COPS4: variants seen among roughly 807,000 people sequenced by gnomAD.
COPS4 encodes the protein COP9 signalosome subunit 4.
In COPS4, 8 loss-of-function variants were observed where a neutral mutation model predicts 55.1. The observed-to-expected ratio is 0.15, with a 90% CI of 0.09 to 0.26. The LOEUF (loss-of-function observed/expected upper bound fraction) is 0.26. COPS4 is among the 10% of genes least tolerant of loss of function. The probability of loss-of-function intolerance (pLI) is 1.00; values close to 1 mark genes in which losing one functional copy is unlikely to be tolerated. For missense variants in COPS4, 248 were observed against 484.0 expected (o/e 0.51, Z 4.58); for synonymous variants, 185 against 165.7 (o/e 1.12, Z -0.90).
chr4:83,072,793 C>T (rs555734233), intron 9 of COPS4, among the ~76,000 whole-genome samples: 1 of 152,220 alleles, frequency 6.6e-6, no homozygotes, highest in South Asian at 2.1e-4. Flanking sequence ...TTCCACTGAT[C>T]TGCAATAATA....
chr4:83,042,450 A>G (rs1339867272), intron 1 of COPS4, among the ~76,000 whole-genome samples: 1 of 151,784 alleles, frequency 6.6e-6, no homozygotes, highest in Admixed American at 6.6e-5. Context: ...TAGAATTTAC[A>G]TATTAGAGAA....
intron 7 of COPS4, chr4:83,065,060 A>C: frequency 1.4e-6 from 1 of 690,734 alleles, no homozygotes; most frequent in Non-Finnish European, 2.6e-6. Context: ...TTTTTTGTAG[A>C]GACAGGATCT....
chr4:83,047,527 C>T (rs1307184079), intron 2 of COPS4, among the ~76,000 whole-genome samples: 3 of 152,010 alleles, frequency 2.0e-5, no homozygotes, highest in Non-Finnish European at 2.9e-5. Flanking sequence ...GCGCTCCAGC[C>T]TGGGCAGCAG....
intron 4 of COPS4, among the ~76,000 whole-genome samples, chr4:83,052,890 C>T (rs1730920694): frequency 1.3e-5 from 2 of 152,104 alleles, no homozygotes; most frequent in Admixed American, 1.3e-4. Flanking sequence ...CCCAGCCTTG[C>T]TTCAATATTC....
chr4:83,075,507 G>T lies in COPS4; in HGVS notation c.*77G>T. The T allele has an allele frequency of 6.5e-7, 1 of 1,527,854 alleles. No homozygotes were observed. The allele number at this position is 1,527,854 out of a possible 1,614,324, so 94.6% of individuals were successfully genotyped here. On this transcript the variant is annotated 3_prime_UTR_variant, in exon 10 of 10. Transcript: ENST00000264389. ...CAGTTTCACTATCTCCAAAGCATTT[G>T]CATCATGACCTTATACATTTCAATC...
At position 83,045,699 on chromosome 4, in the gene COPS4, G is replaced by A; in HGVS notation, c.148G>A (p.Glu50Lys). The change falls in exon 2 of 10, where the codon GAA becomes AAA. Residue 50 changes from glutamate to lysine, a missense_variant. By Grantham distance (56) the Glu-to-Lys change is moderately conservative. Coordinates refer to ENST00000264389, the MANE Select transcript of COPS4 (RefSeq NM_016129.3). Reference protein sequence around the residue: ...EQLEALKAFVEAMVNENVSLV... With the variant: ...EQLEALKAFVKAMVNENVSLV... The stretch of plus-strand genomic sequence containing the variant: ...ACTAGAAGCTTTGAAAGCTTTTGTG[G>A]AAGCAAGTAAGTGAAATGGAAATTT... The A allele has an allele frequency of 6.2e-7, 1 of 1,611,176 alleles. No individual in the cohort carries two copies. The highest frequency in any genetic ancestry group is 8.5e-7 in the Non-Finnish European group (1 of 1,178,070).
intron 6 of COPS4, among the ~76,000 whole-genome samples, chr4:83,059,431 T>A (rs915058406): frequency 5.9e-5 from 9 of 152,300 alleles, no homozygotes; most frequent in African/African-American, 2.2e-4. Flanking sequence ...GAAAAAGTAT[T>A]GAGAACCGGA....
Position 83,045,610 on chromosome 4 carries a change from T to G in COPS4, c.75-16T>G, listed in dbSNP as rs751406896. On this transcript the variant is annotated splice_polypyrimidine_tract_variant and intron_variant, in intron 1 of 9. Transcript: ENST00000264389. ...TAGTACCCTCAGAACATTATTTTCA[T>G]TTGGTATTGTTGTAGGTATCGTCAG... 6.3e-7 allele frequency: 1 copy of G among 1,585,556 alleles called. No individual in the cohort carries two copies. The highest frequency in any genetic ancestry group is 8.7e-7 in the Non-Finnish European group (1 of 1,154,712).
intron 1 of COPS4, among the ~76,000 whole-genome samples, chr4:83,037,442 G>A (rs1441323194): frequency 1.3e-5 from 2 of 152,208 alleles, no homozygotes; most frequent in Admixed American, 6.5e-5. Context: ...TTATTGTGAA[G>A]ATTAAATGAA....
intron 2 of COPS4, 76 bp downstream of exon 2, chr4:83,045,781 G>A (rs1730693833): frequency 5.8e-6 from 5 of 865,624 alleles, no homozygotes; most frequent in Middle Eastern, 2.3e-4. Context: ...GCCTTGTTTT[G>A]TATCAAATTA....
intron 1 of COPS4, among the ~76,000 whole-genome samples, chr4:83,038,136 C>T (rs1484447617): frequency 1.3e-5 from 2 of 152,208 alleles, no homozygotes. Flanking sequence ...TTGAGGATAG[C>T]CTCAAAGGCC....
intron 7 of COPS4, among the ~76,000 whole-genome samples, chr4:83,063,814 A>G (rs1436809370): frequency 2.0e-5 from 3 of 151,732 alleles, no homozygotes; most frequent in African/African-American, 7.3e-5. Flanking sequence ...GGTTCAAGTG[A>G]TTCTCCTACT....
intron 1 of COPS4, chr4:83,035,532 G>T (rs1730395149): frequency 5.4e-6 from 2 of 369,344 alleles, no homozygotes. Flanking sequence ...AGCTTGTTCA[G>T]TTCTTGATAG....
intron 1 of COPS4, among the ~76,000 whole-genome samples, chr4:83,041,834 A>G (rs7660648): frequency 1 from 151,348 of 152,046 alleles, 75,326 homozygotes; most frequent in Middle Eastern, 1. Context: ...CAGTTTTATC[A>G]TAACTTTTGT....
chr4:83,069,125 A>C (rs1238617922), intron 9 of COPS4, among the ~76,000 whole-genome samples: 1 of 152,238 alleles, frequency 6.6e-6, no homozygotes, highest in Non-Finnish European at 1.5e-5. Flanking sequence ...TGGAAATGAC[A>C]GTTGCATTTC....
chr4:83,045,737 G>A (rs1414787355), intron 2 of COPS4, 32 bp downstream of exon 2: 2 of 1,462,602 alleles, frequency 1.4e-6, no homozygotes, highest in African/African-American at 1.4e-5. Context: ...TGCTTGCCTT[G>A]TATTACTGAG....
chr4:83,066,583 A>C, intron 8 of COPS4, 30 bp downstream of exon 8: 1 of 1,073,308 alleles, frequency 9.3e-7, no homozygotes, highest in Non-Finnish European at 1.4e-6. Context: ...ACATTTAAAA[A>C]AAAGTTAAGA....
rs199554765 is a variant in COPS4 at position 83,049,834 on chromosome 4, T to A, written c.307-47T>A. On this transcript the variant is annotated intron_variant, in intron 3 of 9. Coordinates refer to ENST00000264389, the MANE Select transcript of COPS4 (RefSeq NM_016129.3). ...AACTTTCCTATTTATTTTAATTAGT[T>A]ACTAATGTCAGTTGAAATAATTTGA... The A allele has an allele frequency of 3.6e-4, 383 of 1,056,686 alleles. 6 individuals are homozygous for A. In the South Asian group the frequency reaches 3.7e-3, roughly 10 times the overall value. 65.5% of individuals were successfully genotyped at this position (1,056,686 alleles called of 1,614,324 possible). A position where few individuals can be genotyped will look rare whatever the true frequency, so the allele number is the denominator to read the frequency against.
chr4:83,055,024 A>T (rs931049267), intron 4 of COPS4, among the ~76,000 whole-genome samples: 2 of 152,280 alleles, frequency 1.3e-5, no homozygotes, highest in African/African-American at 4.8e-5. Flanking sequence ...ATATTAATAT[A>T]TGCAAGGAAT....
Sources: gnomAD v4.1 joint callset for allele counts (sites outside exome capture counted in the v4.1 genomes callset) on GRCh38, gnomAD v4.1.1 for gene constraint, MANE v1.5 for transcripts, NCBI Gene and HGNC (gene_info 2026-07-23, HGNC 2026-07-21) for gene names.